The following L3MBTL3 variants were observed in gnomAD, a reference collection of about 807,000 sequenced individuals.
The protein encoded by L3MBTL3 is L3MBTL histone methyl-lysine binding protein 3.
L3MBTL3 carries 27 observed loss-of-function variants against 102.3 expected under a neutral mutation model. That is an observed-to-expected ratio of 0.26 (90% CI 0.19 to 0.36). The LOEUF is 0.36. Among genes scored for constraint, L3MBTL3 ranks in the 10% least tolerant of loss-of-function variants. The pLI is 1.00. For synonymous variants in L3MBTL3, 340 were observed against 320.9 expected (o/e 1.06, Z -0.64); for missense variants, 798 against 955.3 (o/e 0.84, Z 2.17).
In L3MBTL3 at chr6:130,081,714, C is replaced by T. The variant is rs191324215; in HGVS notation, c.1322-1906C>T. On this transcript the variant is annotated intron_variant, in intron 14 of 22. Transcript: ENST00000361794. ...TGCTGGGATTACAGGCGTGAGCCAC[C>T]GCACCCGGCTGCATATTTACTCTTT... Among the ~76,000 whole-genome samples the T allele has an allele frequency of 1.4e-4, 21 of 152,120 alleles. No individual in the cohort carries two copies. In the East Asian group the frequency reaches 2.3e-3, roughly 17 times the overall value.
At chr6:130,121,680 A>T (rs1305520609) in intron 20 of L3MBTL3, among the ~76,000 whole-genome samples, 2 of 152,166 alleles carry the variant, frequency 1.3e-5, no homozygotes, top group Admixed American at 6.5e-5. Context: ...GTGTTTTGAA[A>T]TCCAGATAGA....
Position 130,064,515 on chromosome 6 carries a change from G to A in L3MBTL3, c.865-1838G>A, listed in dbSNP as rs186818354. Reference sequence around the variant, plus strand: ...TGGATAAGTCATCCATATGGATGACGAAAGTACTCAGATGGAAAGGAAGAG... The same window carrying A: ...TGGATAAGTCATCCATATGGATGACAAAAGTACTCAGATGGAAAGGAAGAG... On this transcript the variant is annotated intron_variant, in intron 10 of 22. Transcript: ENST00000361794. Among the ~76,000 whole-genome samples, 12 of 152,264 alleles carry A rather than the reference G, an allele frequency of 7.9e-5. No individual in the cohort carries two copies. In the East Asian group the frequency reaches 1.7e-3, roughly 22 times the overall value.
chr6:130,130,909 A>T (rs1786963539), intron 20 of L3MBTL3, among the ~76,000 whole-genome samples: 1 of 152,222 alleles, frequency 6.6e-6, no homozygotes, highest in South Asian at 2.1e-4. Context: ...ATTTTGGATT[A>T]GGCTAGTTTA....
chr6:130,040,983 A>T (rs1053733021), intron 2 of L3MBTL3, among the ~76,000 whole-genome samples: 12 of 152,210 alleles, frequency 7.9e-5, no homozygotes, highest in African/African-American at 2.9e-4. Flanking sequence ...TGCACCGGCA[A>T]TTTTATCCTC....
chr6:130,116,623 C>T (rs914913123), intron 19 of L3MBTL3, among the ~76,000 whole-genome samples: 1 of 152,046 alleles, frequency 6.6e-6, no homozygotes, highest in Non-Finnish European at 1.5e-5. Flanking sequence ...CATGGTAGCG[C>T]ATGCCTGTAG....
intron 3 of L3MBTL3, among the ~76,000 whole-genome samples, chr6:130,043,335 T>C (rs1780542743): frequency 6.6e-6 from 1 of 152,214 alleles, no homozygotes; most frequent in Non-Finnish European, 1.5e-5. Context: ...TTCCTGTAAA[T>C]CCGTCTGCCT....
intron 7 of L3MBTL3, among the ~76,000 whole-genome samples, chr6:130,054,210 A>G (rs908122027): frequency 3.5e-4 from 54 of 152,208 alleles, no homozygotes; most frequent in African/African-American, 1.2e-3. Flanking sequence ...GTTCGAGGAA[A>G]TAAAAGGAAG....
intron 14 of L3MBTL3, among the ~76,000 whole-genome samples, chr6:130,080,311 A>G (rs1246359506): frequency 2.6e-5 from 4 of 152,022 alleles, no homozygotes. Flanking sequence ...GGTGCCAAAC[A>G]TAGTGCTGCC....
intron 18 of L3MBTL3, among the ~76,000 whole-genome samples, chr6:130,098,679 T>C (rs1784501183): frequency 6.6e-6 from 1 of 152,098 alleles, no homozygotes; most frequent in Non-Finnish European, 1.5e-5. Context: ...GTTAGGCACT[T>C]TTCTAGTTCT....
At chr6:130,080,090 A>G (rs986613621) in intron 14 of L3MBTL3, among the ~76,000 whole-genome samples, 7 of 151,684 alleles carry the variant, frequency 4.6e-5, no homozygotes, top group African/African-American at 1.5e-4. Flanking sequence ...CCCTGTCTCT[A>G]TAAAAAATTT....
At chr6:130,098,022 G>A (rs1026231709) in intron 18 of L3MBTL3, among the ~76,000 whole-genome samples, 4 of 151,998 alleles carry the variant, frequency 2.6e-5, no homozygotes, top group African/African-American at 9.7e-5. Flanking sequence ...AGCCAAGATT[G>A]CGCCACTGCA....
rs1028535402 is a variant in L3MBTL3 at position 130,094,479 on chromosome 6, A to G, written c.1736+112A>G. The stretch of plus-strand genomic sequence containing the variant: ...GTGAACTAATTTTAAATTCAGATCC[A>G]TAAGAAATGTGGTTACCATGGTGAT... On this transcript the variant is annotated intron_variant, in intron 18 of 22. Transcript: ENST00000361794. 12 of 542,218 alleles carry G rather than the reference A, an allele frequency of 2.2e-5. 1 individual carries two copies. The highest frequency in any genetic ancestry group is 1.8e-4 in the African/African-American group (9 of 50,926). 33.6% of individuals were successfully genotyped at this position (542,218 alleles called of 1,614,324 possible). A position where few individuals can be genotyped will look rare whatever the true frequency, so the allele number is the denominator to read the frequency against.
intron 18 of L3MBTL3, among the ~76,000 whole-genome samples, chr6:130,103,840 G>A (rs1784837882): frequency 2.0e-5 from 3 of 152,236 alleles, no homozygotes; most frequent in Middle Eastern, 6.8e-3. Context: ...ATCCAAGTTG[G>A]CCTCTGGTCC....
chr6:130,059,515 T>G (rs1781754491), intron 9 of L3MBTL3, among the ~76,000 whole-genome samples: 1 of 152,368 alleles, frequency 6.6e-6, no homozygotes, highest in Non-Finnish European at 1.5e-5. Context: ...GCTATATGCT[T>G]TACTGAATAA....
At chr6:130,086,009 T>A (rs867392059) in intron 15 of L3MBTL3, 131 bp from the exon 16 acceptor site, 13 of 640,888 alleles carry the variant, frequency 2.0e-5, no homozygotes, top group Admixed American at 5.4e-5. Flanking sequence ...CGCCTCAGCC[T>A]TCCAAAGTGC....
intron 2 of L3MBTL3, among the ~76,000 whole-genome samples, chr6:130,028,137 A>G (rs1001874590): frequency 6.7e-6 from 1 of 149,438 alleles, no homozygotes; most frequent in African/African-American, 2.5e-5. Flanking sequence ...GGAAGTAAGT[A>G]GGTTAGGCCA....
chr6:130,117,235 T>C (rs1017914641), intron 19 of L3MBTL3, among the ~76,000 whole-genome samples: 4 of 146,770 alleles, frequency 2.7e-5, no homozygotes, highest in Non-Finnish European at 6.0e-5. Flanking sequence ...TGGTTTTTTG[T>C]TCTTGTGATA....
At chr6:130,126,076 G>A (rs1489564087) in intron 20 of L3MBTL3, among the ~76,000 whole-genome samples, 3 of 149,640 alleles carry the variant, frequency 2.0e-5, no homozygotes, top group Non-Finnish European at 3.0e-5. Flanking sequence ...TCCCTCCCTC[G>A]CTCCCTCCCT....
intron 19 of L3MBTL3, among the ~76,000 whole-genome samples, chr6:130,120,093 G>A (rs1786031278): frequency 1.3e-5 from 2 of 152,116 alleles, no homozygotes; most frequent in African/African-American, 2.4e-5. Flanking sequence ...ATACTATAAA[G>A]CACTAAAGTG....
Sources: gnomAD v4.1 joint callset for allele counts (sites outside exome capture counted in the v4.1 genomes callset) on GRCh38, gnomAD v4.1.1 for gene constraint, MANE v1.5 for transcripts, NCBI Gene and HGNC (gene_info 2026-07-23, HGNC 2026-07-21) for gene names.